The following EFCAB14 variants were observed in gnomAD, a reference collection of about 807,000 sequenced individuals.
EFCAB14 encodes EF-hand calcium-binding domain-containing protein 14.
In EFCAB14, 43 loss-of-function variants were observed where a neutral mutation model predicts 56.5. The observed-to-expected ratio is 0.76, with a 90% CI of 0.60 to 0.98. The LOEUF (loss-of-function observed/expected upper bound fraction) is 0.98, where lower values mean the gene tolerates loss of function less well. EFCAB14 is among the 50% of genes least tolerant of loss of function. The pLI is 0.00. For missense variants in EFCAB14, 538 were observed against 580.3 expected, an observed-to-expected ratio of 0.93 and a Z score of 0.75; for synonymous variants, 235 against 212.9, an observed-to-expected ratio of 1.10 and a Z score of -0.90.
At chr1:46,683,490 G>C (rs955002137) in intron 9 of EFCAB14, 65 bp from the exon 10 acceptor site, 1 of 1,520,890 alleles carries the variant, frequency 6.6e-7, no homozygotes, top group East Asian at 2.3e-5. Context: ...AACTAGTATC[G>C]AAGGTCACCT....
intron 5 of EFCAB14, among the ~76,000 whole-genome samples, chr1:46,690,477 CA>C (rs1157335508): frequency 6.6e-6 from 1 of 152,030 alleles, no homozygotes; most frequent in African/African-American, 2.4e-5. Context: ...AATCTGAAAT[CA>C]ACCCTGTTTT....
chr1:46,688,200 G>A (rs1395394610), intron 7 of EFCAB14, among the ~76,000 whole-genome samples, 153 bp downstream of exon 7: 1 of 152,134 alleles, frequency 6.6e-6, no homozygotes, highest in East Asian at 1.9e-4. Flanking sequence ...GCTAGTGTGA[G>A]GATTAAATGA....
In EFCAB14 at chr1:46,675,363, G is replaced by A. The variant is rs1676677145; in HGVS notation, c.*3098C>T. 6.6e-6 allele frequency: 1 copy of A among 152,554 alleles called. No individual in the cohort carries two copies. Among genetic ancestry groups the A allele is most frequent in the South Asian group, 2.1e-4 (1 of 4,826 alleles). The allele number at this position is 152,554 out of a possible 1,614,324, so 9.5% of individuals were successfully genotyped here. ...ATGAGAAAACAACAAGGTAGGTTAG[G>A]TTCGTATAACAAACAATACACGCTC... On this transcript the variant is annotated 3_prime_UTR_variant, in exon 11 of 11. Coordinates refer to ENST00000371933, the MANE Select transcript of EFCAB14 (RefSeq NM_014774.3).
At position 46,718,155 on chromosome 1, in the gene EFCAB14, C is replaced by G; in HGVS notation, c.-68G>C. On this transcript the variant is annotated 5_prime_UTR_variant, in exon 1 of 11. Coordinates refer to ENST00000371933, the MANE Select transcript of EFCAB14 (RefSeq NM_014774.3). Reference sequence around the variant, plus strand: ...AGGTTCGTACCCGATGCCCAATTCTCTTCCTGCCTTGGAGCTGCCTTCCAG... The same window carrying G: ...AGGTTCGTACCCGATGCCCAATTCTGTTCCTGCCTTGGAGCTGCCTTCCAG... The G allele has an allele frequency of 6.5e-7, 1 of 1,538,044 alleles. No individual in the cohort carries two copies. The highest frequency in any genetic ancestry group is 8.9e-7 in the Non-Finnish European group (1 of 1,128,596).
intron 4 of EFCAB14, among the ~76,000 whole-genome samples, chr1:46,695,346 A>G (rs567531646): frequency 1.3e-4 from 20 of 151,764 alleles, no homozygotes; most frequent in African/African-American, 3.2e-4. Context: ...ATCTGGCCTC[A>G]TCAGAGTTGT....
intron 2 of EFCAB14, among the ~76,000 whole-genome samples, chr1:46,716,038 A>G (rs763611042): frequency 1.3e-5 from 2 of 151,838 alleles, no homozygotes; most frequent in Non-Finnish European, 2.9e-5. Flanking sequence ...ACCTGAGGTC[A>G]GTAGTTTGAG....
chr1:46,683,816 G>A (rs975103939), intron 9 of EFCAB14, among the ~76,000 whole-genome samples: 3 of 152,250 alleles, frequency 2.0e-5, no homozygotes, highest in African/African-American at 7.2e-5. Flanking sequence ...CGCTAAGCTG[G>A]TGCTAAGAGT....
rs1298751635 is a variant in EFCAB14, at chr1:46,678,154, AGATAAG to A, written c.*301_*306del. ...TCTATATACATTTCCCAGCTTTAAA[AGATAAG>A]GTCTCCTCCCCTCAAAAAAAGGAAA... On this transcript the variant is annotated 3_prime_UTR_variant, in exon 11 of 11. Coordinates refer to ENST00000371933, the MANE Select transcript of EFCAB14 (RefSeq NM_014774.3). 4.5e-6 allele frequency: 1 copy of A among 221,598 alleles called. No individual in the cohort carries two copies. The highest frequency in any genetic ancestry group is 8.7e-6 in the Non-Finnish European group (1 of 114,350). 13.7% of individuals were successfully genotyped at this position (221,598 alleles called of 1,614,324 possible). A position where few individuals can be genotyped will look rare whatever the true frequency, so the allele number is the denominator to read the frequency against.
intron 5 of EFCAB14, 100 bp from the exon 6 acceptor site, chr1:46,689,791 C>T (rs1460983646): frequency 4.2e-6 from 4 of 959,362 alleles, no homozygotes; most frequent in Non-Finnish European, 6.6e-6. Context: ...CCCCAGAATG[C>T]ATCCACAGAT....
intron 10 of EFCAB14, 138 bp downstream of exon 10, chr1:46,683,162 T>C (rs925726643): frequency 1.6e-5 from 15 of 938,450 alleles, no homozygotes; most frequent in South Asian, 3.4e-5. Context: ...TTATATGACA[T>C]AATGCATATA....
intron 1 of EFCAB14, among the ~76,000 whole-genome samples, chr1:46,717,200 T>C (rs750916644): frequency 6.6e-6 from 1 of 152,208 alleles, no homozygotes; most frequent in Non-Finnish European, 1.5e-5. Flanking sequence ...AACCACTCAA[T>C]GTCAGCACCC....
intron 3 of EFCAB14, among the ~76,000 whole-genome samples, chr1:46,702,577 T>C (rs930824366): frequency 2.0e-5 from 3 of 152,224 alleles, no homozygotes; most frequent in Admixed American, 1.3e-4. Context: ...TCCTACTTCA[T>C]AGGACTGTAG....
Position 46,678,482 on chromosome 1 carries a change from T to C in EFCAB14, c.1467A>G (p.Leu489=), listed in dbSNP as rs753675763. ...DGDGRYSFLE[L]RVALGI is the part of the protein sequence containing the mutation. ...GAAGCTAGATACCTAAAGCTACCCT[T>C]AGCTCCAGGAATGAGTATCTTCCAT... is the stretch of plus-strand genomic sequence containing the variant. Residue 489 remains leucine (L), a synonymous_variant, in exon 11 of 11, where the codon CTA becomes CTG. Transcript: ENST00000371933. The C allele has an allele frequency of 3.1e-6, 5 of 1,614,052 alleles. No individual in the cohort carries two copies. In the African/African-American group the frequency reaches 4.0e-5, roughly 13 times the overall value.
chr1:46,684,379 G>A (rs1676844472), intron 9 of EFCAB14, 112 bp downstream of exon 9: 1 of 803,240 alleles, frequency 1.2e-6, no homozygotes, highest in African/African-American at 1.7e-5. Context: ...GTGCGTTCAG[G>A]CATCACTCGC....
chr1:46,691,777 T>C (rs1379831266), intron 5 of EFCAB14, 50 bp downstream of exon 5: 2 of 1,437,908 alleles, frequency 1.4e-6, no homozygotes, highest in East Asian at 2.3e-5. Context: ...ACATGACTCT[T>C]ACACAAAAAA....
At chr1:46,681,752 G>T (rs1328951538) in intron 10 of EFCAB14, among the ~76,000 whole-genome samples, 1 of 150,086 alleles carries the variant, frequency 6.7e-6, no homozygotes, top group African/African-American at 2.5e-5. Context: ...AAATATGATT[G>T]CTGCCTCAGG....
At chr1:46,707,857 A>G in intron 3 of EFCAB14, 49 bp downstream of exon 3, 1 of 1,577,542 alleles carries the variant, frequency 6.3e-7, no homozygotes, top group Non-Finnish European at 8.6e-7. Context: ...ATACTAAACA[A>G]CCAAACAAAT....
At chr1:46,702,263 T>A (rs766306005) in intron 3 of EFCAB14, among the ~76,000 whole-genome samples, 1 of 152,220 alleles carries the variant, frequency 6.6e-6, no homozygotes, top group Non-Finnish European at 1.5e-5. Flanking sequence ...TGCTTTGGGG[T>A]TGAAGTTAAG....
At chr1:46,704,039 C>T (rs1303115570) in intron 3 of EFCAB14, among the ~76,000 whole-genome samples, 1 of 152,186 alleles carries the variant, frequency 6.6e-6, no homozygotes, top group African/African-American at 2.4e-5. Context: ...CACCTGGCTC[C>T]AATCTAGGTG....
Sources: gnomAD v4.1 joint callset for allele counts (sites outside exome capture counted in the v4.1 genomes callset) on GRCh38, gnomAD v4.1.1 for gene constraint, MANE v1.5 for transcripts, NCBI Gene and HGNC (gene_info 2026-07-23, HGNC 2026-07-21) for gene names.